The following AFAP1L2 variants were observed in gnomAD, a reference collection of about 807,000 sequenced individuals.
AFAP1L2 encodes actin filament associated protein 1 like 2, also known as actin filament-associated protein 1-like 2.
AFAP1L2 carries 46 observed loss-of-function variants against 99.3 expected under a neutral mutation model. That is an observed-to-expected ratio of 0.46 (90% CI 0.37 to 0.59). The LOEUF is 0.59. Among genes scored for constraint, AFAP1L2 ranks in the 20% least tolerant of loss-of-function variants. The pLI is 0.00. For missense variants in AFAP1L2, 959 were observed against 1,034.9 expected (o/e 0.93, Z 1.01); for synonymous variants, 397 against 419.1 (o/e 0.95, Z 0.64).
intron 4 of AFAP1L2, among the ~76,000 whole-genome samples, chr10:114,325,117 A>G (rs2046053619): frequency 6.6e-6 from 1 of 152,254 alleles, no homozygotes; most frequent in South Asian, 2.1e-4. Flanking sequence ...TCCGGGCTTC[A>G]GGACCTCATA....
intron 2 of AFAP1L2, 81 bp downstream of exon 2, chr10:114,340,522 C>T: frequency 1.3e-6 from 2 of 1,507,656 alleles, no homozygotes; most frequent in Non-Finnish European, 8.9e-7. Flanking sequence ...GCCTGTGATC[C>T]TTAGCTATGG....
chr10:114,396,843 G>A (rs187795336), intron 1 of AFAP1L2, among the ~76,000 whole-genome samples: 3 of 152,260 alleles, frequency 2.0e-5, no homozygotes, highest in Admixed American at 1.3e-4. Flanking sequence ...CAGAGGGAGA[G>A]CTTCCACTAT....
chr10:114,303,452 C>T (rs944865402), intron 11 of AFAP1L2, among the ~76,000 whole-genome samples: 19 of 152,298 alleles, frequency 1.2e-4, no homozygotes, highest in African/African-American at 4.6e-4. Flanking sequence ...GGACTACAGG[C>T]GCCCACCACC....
intron 2 of AFAP1L2, among the ~76,000 whole-genome samples, chr10:114,334,974 G>A (rs1397861723): frequency 2.0e-5 from 3 of 152,204 alleles, no homozygotes; most frequent in Non-Finnish European, 4.4e-5. Context: ...AGATACTAGG[G>A]GGTTTGGAAA....
chr10:114,299,195 G>T, intron 16 of AFAP1L2, 65 bp downstream of exon 16: 2 of 1,584,552 alleles, frequency 1.3e-6, no homozygotes, highest in African/African-American at 1.4e-5. Context: ...CAGATCTTCC[G>T]CCAAAAAGTT....
chr10:114,375,040 G>T (rs1379406437), intron 1 of AFAP1L2, among the ~76,000 whole-genome samples: 1 of 152,120 alleles, frequency 6.6e-6, no homozygotes, highest in Non-Finnish European at 1.5e-5. Context: ...TAGAACAGGG[G>T]TCAGTGAACT....
chr10:114,395,295 A>T (rs968760321), intron 1 of AFAP1L2, among the ~76,000 whole-genome samples: 6 of 152,216 alleles, frequency 3.9e-5, no homozygotes, highest in African/African-American at 1.2e-4. Flanking sequence ...TTGTGAGCTG[A>T]TAAGGAGTCT....
intron 1 of AFAP1L2, 53 bp from the exon 2 acceptor site, chr10:114,340,784 C>T (rs1406918161): frequency 1.2e-6 from 2 of 1,612,974 alleles, no homozygotes; most frequent in Non-Finnish European, 8.5e-7. Flanking sequence ...CTCCAAAGCC[C>T]AGCTCAGATA....
At chr10:114,400,032 T>C (rs1274541493) in intron 1 of AFAP1L2, among the ~76,000 whole-genome samples, 1 of 152,238 alleles carries the variant, frequency 6.6e-6, no homozygotes, top group Non-Finnish European at 1.5e-5. Context: ...TCCAGGTTCC[T>C]GAGCCACTAC....
chr10:114,291,364 T>A (rs1331959523), downstream of AFAP1L2: 1 of 1,178,448 alleles, frequency 8.5e-7, no homozygotes, highest in Admixed American at 2.9e-5. Context: ...AATGTCTGCT[T>A]CCCGCCGTGG....
intron 9 of AFAP1L2, 42 bp from the exon 10 acceptor site, chr10:114,307,951 C>G: frequency 1.3e-6 from 2 of 1,550,260 alleles, no homozygotes; most frequent in Non-Finnish European, 1.8e-6. Context: ...TGCACGTGGT[C>G]CACCCACGTG....
At chr10:114,350,539 ACCT>A (rs931827742) in intron 1 of AFAP1L2, among the ~76,000 whole-genome samples, 4 of 151,884 alleles carry the variant, frequency 2.6e-5, no homozygotes, top group African/African-American at 9.7e-5. Context: ...CACTAACGAA[ACCT>A]CCTCCTATTT....
At chr10:114,280,928 A>AT in the AFAP1L2 span, 1 of 151,954 alleles carries the variant, frequency 6.6e-6, no homozygotes, top group Admixed American at 6.6e-5. Flanking sequence ...TTTTTTATAG[A>AT]TGGGGTCTCA....
intron 8 of AFAP1L2, 33 bp downstream of exon 8, chr10:114,310,321 G>A: frequency 6.3e-7 from 1 of 1,575,234 alleles, no homozygotes; most frequent in Non-Finnish European, 8.6e-7. Flanking sequence ...AACATGGAAG[G>A]GGACTCTCCC....
At chr10:114,352,479 TAAAAAAAAA>T (rs766929781) in intron 1 of AFAP1L2, among the ~76,000 whole-genome samples, 2 of 71,372 alleles carry the variant, frequency 2.8e-5, no homozygotes, top group Admixed American at 2.3e-4. Flanking sequence ...GTCTCCAAAT[TAAAAAAAAA>T]AAAAAAAAAA....
intron 7 of AFAP1L2, 66 bp downstream of exon 7, chr10:114,313,805 T>C: frequency 1.3e-6 from 2 of 1,482,402 alleles, no homozygotes; most frequent in African/African-American, 1.4e-5. Flanking sequence ...CTATCATCCA[T>C]CCCTTTAGAA....
intron 1 of AFAP1L2, among the ~76,000 whole-genome samples, chr10:114,399,710 C>T (rs150917692): frequency 1.2e-4 from 19 of 152,284 alleles, no homozygotes; most frequent in Admixed American, 6.5e-4. Flanking sequence ...ACATGGCCTA[C>T]GGCATTCTCT....
Position 114,300,575 on chromosome 10 carries a change from G to A in AFAP1L2, c.1658C>T (p.Ala553Val), listed in dbSNP as rs748661277. Reference sequence around the variant, plus strand: ...CGTCGGGGAGGAGGCCTGGGCCTGTGCACTGCTGGGGCCATGCAGAAAGGA... The same window carrying A: ...CGTCGGGGAGGAGGCCTGGGCCTGTACACTGCTGGGGCCATGCAGAAAGGA... ...VKSFLHGPSSAQAQASSPTLS... is the reference protein window; with the variant it reads ...VKSFLHGPSSVQAQASSPTLS... The change falls in exon 14 of 19, where the codon GCA becomes GTA. Residue 553 changes from alanine to valine, a missense_variant. Physicochemically the swap from Ala to Val is moderately conservative, Grantham distance 64. Transcript: ENST00000304129. 1.2e-6 allele frequency: 2 copies of A among 1,614,090 alleles called. No homozygotes were observed. Among genetic ancestry groups the A allele is most frequent in the African/African-American group, 1.3e-5 (1 of 74,928 alleles).
intron 11 of AFAP1L2, among the ~76,000 whole-genome samples, chr10:114,303,379 C>G (rs977310789): frequency 6.6e-6 from 1 of 152,194 alleles, no homozygotes; most frequent in Non-Finnish European, 1.5e-5. Flanking sequence ...GGGATCTTGG[C>G]TCACTGTAGC....
Sources: allele counts gnomAD v4.1 joint callset (sites outside exome capture counted in the v4.1 genomes callset), GRCh38; gene constraint gnomAD v4.1.1; transcripts MANE v1.5; gene names NCBI Gene and HGNC (gene_info 2026-07-23, HGNC 2026-07-21).